The following PDE4D variants were observed in gnomAD, a reference collection of about 807,000 sequenced individuals.
The protein encoded by PDE4D is 3',5'-cyclic-AMP phosphodiesterase 4D.
Under a neutral mutation model 87.4 loss-of-function variants are expected in PDE4D, and 24 were observed. The ratio of observed to expected loss-of-function variants is 0.27; its 90% confidence interval spans 0.20 to 0.39. The LOEUF is 0.39. PDE4D is among the 10% of genes least tolerant of loss of function. The pLI, the probability that PDE4D is intolerant of heterozygous loss-of-function variation, is 1.00. For synonymous variants in PDE4D, 384 were observed against 383.2 expected, an observed-to-expected ratio of 1.00 and a Z score of -0.02; for missense variants, 714 against 1,041.0, an observed-to-expected ratio of 0.69 and a Z score of 4.32.
chr5:60,475,356 A>G (rs754998218), intron 1 of PDE4D, among the ~76,000 whole-genome samples: 1 of 152,124 alleles, frequency 6.6e-6, no homozygotes, highest in African/African-American at 2.4e-5. Context: ...GGAGCTTAGG[A>G]TCAAACACTG....
At chr5:59,614,460 T>C (rs1409597436) in intron 1 of PDE4D, among the ~76,000 whole-genome samples, 1 of 152,224 alleles carries the variant, frequency 6.6e-6, no homozygotes, top group Non-Finnish European at 1.5e-5. Flanking sequence ...AAAATAGAGC[T>C]ATATGAGATA....
At chr5:59,971,694 T>C (rs1424420344) in intron 3 of PDE4D, among the ~76,000 whole-genome samples, 1 of 152,166 alleles carries the variant, frequency 6.6e-6, no homozygotes, top group Non-Finnish European at 1.5e-5. Flanking sequence ...GTTATCTTTT[T>C]ATGTAAAAAA....
At chr5:60,391,963 A>G (rs542199094) in intron 1 of PDE4D, among the ~76,000 whole-genome samples, 20 of 152,194 alleles carry the variant, frequency 1.3e-4, no homozygotes, top group African/African-American at 4.8e-4. Flanking sequence ...AAGATATTTC[A>G]TTCAAGACCC....
At chr5:59,172,887 CCAAG>C (rs1561626586) in intron 5 of PDE4D, 1 of 151,654 alleles carries the variant, frequency 6.6e-6, no homozygotes, top group African/African-American at 2.4e-5. Context: ...ATACTGTTGA[CCAAG>C]CAGATAATAA....
chr5:60,264,433 C>G (rs927390124), intron 1 of PDE4D, among the ~76,000 whole-genome samples: 2 of 152,198 alleles, frequency 1.3e-5, no homozygotes, highest in African/African-American at 2.4e-5. Context: ...AGAATGAAAG[C>G]TCTCTGCCTC....
At chr5:59,593,066 A>G (rs765686479) in intron 1 of PDE4D, among the ~76,000 whole-genome samples, 21 of 151,946 alleles carry the variant, frequency 1.4e-4, no homozygotes, top group Non-Finnish European at 2.8e-4. Context: ...TAAAATACAG[A>G]TCATTTGTTT....
chr5:60,138,396 A>G (rs968822466), intron 2 of PDE4D, among the ~76,000 whole-genome samples: 2 of 152,132 alleles, frequency 1.3e-5, no homozygotes, highest in Non-Finnish European at 1.5e-5. Context: ...TATTCAATCA[A>G]TCTTCTATCT....
At chr5:59,778,157 T>C (rs530714607) in intron 1 of PDE4D, among the ~76,000 whole-genome samples, 1 of 152,352 alleles carries the variant, frequency 6.6e-6, no homozygotes, top group East Asian at 1.9e-4. Context: ...CATTCTTTGC[T>C]ACACTCACAG....
At chr5:60,496,096 G>A (rs934201341) in intron 1 of PDE4D, among the ~76,000 whole-genome samples, 3 of 152,158 alleles carry the variant, frequency 2.0e-5, no homozygotes, top group African/African-American at 7.2e-5. Context: ...TGCTGCCAAT[G>A]TGGGCCCTCT....
chr5:59,000,727 C>T (rs999027531), intron 6 of PDE4D, among the ~76,000 whole-genome samples: 2 of 152,108 alleles, frequency 1.3e-5, no homozygotes, highest in Admixed American at 6.5e-5. Context: ...GTCTCGCTGT[C>T]GCCCAGGCTA....
chr5:59,899,440 T>C (rs1752000269), intron 3 of PDE4D, among the ~76,000 whole-genome samples: 1 of 151,848 alleles, frequency 6.6e-6, no homozygotes, highest in Non-Finnish European at 1.5e-5. Flanking sequence ...TAAGCACATA[T>C]ATATATATGT....
At chr5:59,261,451 G>C (rs897190597) in intron 1 of PDE4D, among the ~76,000 whole-genome samples, 2 of 151,812 alleles carry the variant, frequency 1.3e-5, no homozygotes, top group Admixed American at 6.6e-5. Context: ...GAAAGAAAAA[G>C]TTTATTTCTC....
chr5:60,314,692 T>C (rs1226540318), intron 1 of PDE4D, among the ~76,000 whole-genome samples: 1 of 151,834 alleles, frequency 6.6e-6, no homozygotes, highest in Non-Finnish European at 1.5e-5. Context: ...TGTGTCCATG[T>C]GTTCTCATTG....
At chr5:59,718,292 A>G (rs1755315853) in intron 1 of PDE4D, among the ~76,000 whole-genome samples, 1 of 152,184 alleles carries the variant, frequency 6.6e-6, no homozygotes, top group African/African-American at 2.4e-5. Context: ...AACTATACTG[A>G]TATGTTTACA....
chr5:59,909,759 T>C (rs1445954816), intron 3 of PDE4D, among the ~76,000 whole-genome samples: 2 of 152,138 alleles, frequency 1.3e-5, no homozygotes, highest in African/African-American at 4.8e-5. Flanking sequence ...TTCAAGAAAT[T>C]GTGCATATTT....
chr5:59,924,207 A>G (rs549334325), intron 3 of PDE4D, among the ~76,000 whole-genome samples: 2 of 152,062 alleles, frequency 1.3e-5, no homozygotes, highest in East Asian at 1.9e-4. Context: ...CAAACAAACA[A>G]AAATGAAACA....
chr5:59,028,068 C>A lies in PDE4D; in HGVS notation c.921+10791G>T, dbSNP rs966879455. Reference sequence around the variant, plus strand: ...TGCAGAGGAAGAACGTATGTACATTCATTTATGAAAAACACTGGCTAGACT... The same window carrying A: ...TGCAGAGGAAGAACGTATGTACATTAATTTATGAAAAACACTGGCTAGACT... On this transcript the variant is annotated intron_variant, in intron 6 of 14. Transcript: ENST00000340635. Among the ~76,000 whole-genome samples, 2 of 152,124 alleles carry A rather than the reference C, an allele frequency of 1.3e-5. 1 individual carries two copies. The highest frequency in any genetic ancestry group is 4.1e-4 in the South Asian group (2 of 4,828).
At chr5:59,888,512 G>A (rs894877335) in intron 1 of PDE4D, among the ~76,000 whole-genome samples, 5 of 152,150 alleles carry the variant, frequency 3.3e-5, no homozygotes, top group African/African-American at 1.2e-4. Context: ...CTGTGTTACT[G>A]TGTTGACAAT....
At chr5:59,535,600 A>G (rs1188369482) in intron 1 of PDE4D, among the ~76,000 whole-genome samples, 1 of 152,214 alleles carries the variant, frequency 6.6e-6, no homozygotes, top group African/African-American at 2.4e-5. Flanking sequence ...TTTTTCCTAC[A>G]GGGAATAAAT....
Sources: allele counts gnomAD v4.1 joint callset (sites outside exome capture counted in the v4.1 genomes callset), GRCh38; gene constraint gnomAD v4.1.1; transcripts MANE v1.5; gene names NCBI Gene and HGNC (gene_info 2026-07-23, HGNC 2026-07-21).